The following MGAT5 variants were observed in gnomAD, a reference collection of about 807,000 sequenced individuals.
MGAT5 encodes alpha-1,6-mannosylglycoprotein 6-beta-N-acetylglucosaminyltransferase.
MGAT5 carries 30 observed loss-of-function variants against 94.3 expected under a neutral mutation model. The ratio of observed to expected loss-of-function variants is 0.32; its 90% confidence interval spans 0.24 to 0.43. The LOEUF (loss-of-function observed/expected upper bound fraction) is 0.43, where lower values mean the gene tolerates loss of function less well. Ranked by LOEUF, MGAT5 falls within the 20% of genes least tolerant of loss-of-function variation. The probability of loss-of-function intolerance (pLI) is 1.00; values close to 1 mark genes in which losing one functional copy is unlikely to be tolerated. For missense variants in MGAT5, 691 were observed against 905.5 expected, an observed-to-expected ratio of 0.76 and a Z score of 3.04; for synonymous variants, 310 against 322.9, an observed-to-expected ratio of 0.96 and a Z score of 0.43.
At chr2:134,282,368 C>G (rs1448040154) in intron 2 of MGAT5, among the ~76,000 whole-genome samples, 2 of 152,184 alleles carry the variant, frequency 1.3e-5, no homozygotes, top group Non-Finnish European at 2.9e-5. Context: ...TACCAGTGAC[C>G]ATACAGCCAT....
Position 134,183,376 on chromosome 2 carries a change from G to T in MGAT5, c.-143+63085G>T, listed in dbSNP as rs79220821. Among the ~76,000 whole-genome samples, 965 of 152,334 alleles carry T rather than the reference G, an allele frequency of 6.3e-3. 19 individuals are homozygous for T. The highest frequency in any genetic ancestry group is 0.022 in the African/African-American group (925 of 41,578). On this transcript the variant is annotated intron_variant, in intron 1 of 16. Coordinates refer to the MGAT5 transcript ENST00000409645. ...GAAATTAGATTTGTGTTCATGTATG[G>T]ATTGACGCAATCAAGTTCATTTGAA...
intron 1 of MGAT5, among the ~76,000 whole-genome samples, chr2:134,190,300 A>C (rs1689301043): frequency 6.6e-6 from 1 of 151,854 alleles, no homozygotes; most frequent in African/African-American, 2.4e-5. Context: ...GTGAACAGTC[A>C]CCTGATTTTC....
intron 10 of MGAT5, among the ~76,000 whole-genome samples, chr2:134,383,534 T>C (rs1257974372): frequency 1.3e-5 from 2 of 152,210 alleles, no homozygotes; most frequent in African/African-American, 4.8e-5. Flanking sequence ...ATTGTTTTGT[T>C]CCTGCTGGCT....
chr2:134,125,443 G>T (rs74918581), intron 1 of MGAT5, among the ~76,000 whole-genome samples: 1 of 152,152 alleles, frequency 6.6e-6, no homozygotes, highest in Non-Finnish European at 1.5e-5. Context: ...AACCTAAGCC[G>T]AGAGGGCTTC....
intron 10 of MGAT5, among the ~76,000 whole-genome samples, chr2:134,371,543 C>T (rs1186571601): frequency 6.6e-6 from 1 of 152,180 alleles, no homozygotes; most frequent in Non-Finnish European, 1.5e-5. Flanking sequence ...CAGATATGGG[C>T]CGCTGTGGCT....
intron 2 of MGAT5, among the ~76,000 whole-genome samples, chr2:134,296,007 G>A (rs16830342): frequency 0.027 from 4,073 of 152,208 alleles, 173 homozygotes; most frequent in East Asian, 0.1. Context: ...ATTTCATCTA[G>A]GAGTGTTTGG....
At chr2:134,307,850 G>A (rs1686422706) in intron 2 of MGAT5, among the ~76,000 whole-genome samples, 1 of 152,054 alleles carries the variant, frequency 6.6e-6, no homozygotes, top group South Asian at 2.1e-4. Flanking sequence ...TTGATTCCCA[G>A]CTGTGGCTGC....
intron 15 of MGAT5, among the ~76,000 whole-genome samples, chr2:134,443,185 TTG>T (rs539333207): frequency 0.12 from 2,214 of 19,154 alleles, 20 homozygotes; most frequent in South Asian, 0.34. Flanking sequence ...ATGTTTTTTT[TTG>T]TTGTTGTTGT....
At chr2:134,121,008 A>C (rs775886076) in intron 1 of MGAT5, among the ~76,000 whole-genome samples, 9 of 151,946 alleles carry the variant, frequency 5.9e-5, no homozygotes, top group Non-Finnish European at 1.0e-4. Flanking sequence ...CCCCGAGAGC[A>C]TGCTCAGTGC....
intron 1 of MGAT5, among the ~76,000 whole-genome samples, chr2:134,134,905 C>T (rs1686336996): frequency 6.6e-6 from 1 of 152,196 alleles, no homozygotes; most frequent in African/African-American, 2.4e-5. Flanking sequence ...TTTAAGTAAA[C>T]ATCGACGTTT....
intron 1 of MGAT5, among the ~76,000 whole-genome samples, chr2:134,231,660 T>G (rs1226987163): frequency 6.6e-6 from 1 of 152,228 alleles, no homozygotes; most frequent in African/African-American, 2.4e-5. Flanking sequence ...CTGGAGTTCT[T>G]TTAATAGAAA....
At chr2:134,159,188 C>CGTGTGTGTGTGTGTGT (rs138643972) in intron 1 of MGAT5, among the ~76,000 whole-genome samples, 9 of 144,010 alleles carry the variant, frequency 6.2e-5, no homozygotes, top group Admixed American at 1.4e-4. Flanking sequence ...GGTCTAAATT[C>CGTGTGTGTGTGTGTGT]GTGTGTGTGT....
intron 1 of MGAT5, among the ~76,000 whole-genome samples, chr2:134,262,790 C>T (rs895835301): frequency 5.3e-5 from 8 of 152,280 alleles, no homozygotes; most frequent in Non-Finnish European, 8.8e-5. Flanking sequence ...GTAGATCTGA[C>T]GTTGTTCATT....
At chr2:134,408,621 T>A (rs1365677879) in intron 11 of MGAT5, among the ~76,000 whole-genome samples, 4 of 152,118 alleles carry the variant, frequency 2.6e-5, no homozygotes, top group African/African-American at 7.2e-5. Context: ...AGTCTTCAGG[T>A]CACATGAGTC....
At chr2:134,374,685 A>G (rs992432672) in intron 10 of MGAT5, among the ~76,000 whole-genome samples, 6 of 152,232 alleles carry the variant, frequency 3.9e-5, no homozygotes, top group Non-Finnish European at 8.8e-5. Flanking sequence ...GAACGAGTCC[A>G]TCTGCAGTCA....
intron 6 of MGAT5, 62 bp downstream of exon 6, chr2:134,338,482 T>G: frequency 2.0e-6 from 3 of 1,510,868 alleles, no homozygotes; most frequent in Non-Finnish European, 1.8e-6. Context: ...TTGATTTTGC[T>G]TGGAAACAAG....
At chr2:134,232,889 G>C (rs1336139210) in intron 1 of MGAT5, among the ~76,000 whole-genome samples, 3 of 152,154 alleles carry the variant, frequency 2.0e-5, no homozygotes, top group Non-Finnish European at 4.4e-5. Flanking sequence ...GCAATTACCA[G>C]TTTTTCCTTG....
chr2:134,313,272 C>T (rs1558782134), intron 2 of MGAT5, among the ~76,000 whole-genome samples: 1 of 152,122 alleles, frequency 6.6e-6, no homozygotes, highest in Non-Finnish European at 1.5e-5. Flanking sequence ...ACATCTCGTG[C>T]TGCTTCTGCT....
chr2:134,395,589 TC>T (rs752930089), intron 10 of MGAT5, among the ~76,000 whole-genome samples: 2 of 152,204 alleles, frequency 1.3e-5, no homozygotes, highest in Non-Finnish European at 2.9e-5. Context: ...TGCATTTTAT[TC>T]CCAGTGCTGG....
Sources: gnomAD v4.1 joint callset for allele counts (sites outside exome capture counted in the v4.1 genomes callset) on GRCh38, gnomAD v4.1.1 for gene constraint, MANE v1.5 for transcripts, NCBI Gene and HGNC (gene_info 2026-07-23, HGNC 2026-07-21) for gene names.